PLXNA2: variants seen among roughly 807,000 people sequenced by gnomAD.
The protein encoded by PLXNA2 is plexin-A2.
Under a neutral mutation model 193.5 loss-of-function variants are expected in PLXNA2, and 91 were observed. The observed-to-expected ratio is 0.47, with a 90% confidence interval of 0.40 to 0.56. The LOEUF (loss-of-function observed/expected upper bound fraction) is 0.56. Ranked by LOEUF, PLXNA2 falls within the 20% of genes least tolerant of loss-of-function variation. PLXNA2 has a pLI of 0.00. For missense variants in PLXNA2, 1,995 were observed against 2,503.2 expected, an observed-to-expected ratio of 0.80 and a Z score of 4.33; for synonymous variants, 997 against 1,027.3, an observed-to-expected ratio of 0.97 and a Z score of 0.56.
rs1197633176 is a variant in PLXNA2 at position 208,217,268 on chromosome 1, T to C, written c.655A>G (p.Ser219Gly). The change falls in exon 2 of 32, where the codon AGC (serine) becomes GGC (glycine). Residue 219 changes from serine to glycine, a missense_variant. Coordinates refer to ENST00000367033, the MANE Select transcript of PLXNA2 (RefSeq NM_025179.4). The surrounding 1 kb of genome is among the most constrained non-coding windows in gnomAD (Gnocchi z 4.7). ...TTGATGAGAGAGGAGACAAAATCGC[T>C]GTGTAGCTCATAGTCGAGCATGGCT... ...SSAMLDYELHSDFVSSLIKIP... is the reference protein window; with the variant it reads ...SSAMLDYELHGDFVSSLIKIP... 6.2e-7 allele frequency: 1 copy of C among 1,613,978 alleles called. No homozygotes were observed.
intron 4 of PLXNA2, among the ~76,000 whole-genome samples, chr1:208,130,904 T>G (rs1004553364): frequency 6.6e-6 from 1 of 152,184 alleles, no homozygotes; most frequent in Admixed American, 6.5e-5. Flanking sequence ...TTTCTGTAAA[T>G]GAGTACAGCT....
rs1361287076 is a variant in PLXNA2 at position 208,236,417 on chromosome 1, C to CA, written c.-81+7225_-81+7226insT. On this transcript the variant is annotated intron_variant, in intron 1 of 31. Coordinates refer to ENST00000367033, the MANE Select transcript of PLXNA2 (RefSeq NM_025179.4). This position sits in a 1 kb window ranked among gnomAD's most constrained non-coding sequence, Gnocchi z 4.4. ...CAACATCCCCTCTTGCCACTTCTGT[C>CA]TGCCCGCTGGTCCTGCTGCCTCTAT... 1.3e-5 allele frequency among the ~76,000 whole-genome samples: 2 copies of CA among 152,176 alleles called. No individual in the cohort carries two copies. Among genetic ancestry groups the CA allele is most frequent in the African/African-American group, 4.8e-5 (2 of 41,426 alleles).
rs752529887 is a variant in PLXNA2 at position 208,042,079 on chromosome 1, C to T, written c.4286+19G>A. 2 of 1,610,524 alleles carry T rather than the reference C, an allele frequency of 1.2e-6. No individual in the cohort carries two copies. Among genetic ancestry groups the T allele is most frequent in the Non-Finnish European group, 1.7e-6 (2 of 1,177,862 alleles). On this transcript the variant is annotated intron_variant, in intron 22 of 31. Coordinates refer to ENST00000367033, the MANE Select transcript of PLXNA2 (RefSeq NM_025179.4). ...TTCAGACTCCTGCCACCCTCTCCAC[C>T]CACTGCTGCGGGCCAGACCTCCGGA...
At chr1:208,080,397 G>A (rs1288996254) in intron 11 of PLXNA2, among the ~76,000 whole-genome samples, 1 of 152,122 alleles carries the variant, frequency 6.6e-6, no homozygotes, top group Non-Finnish European at 1.5e-5. Flanking sequence ...TCAGGTTCAG[G>A]AACCTGGTCT....
chr1:208,165,865 G>GT (rs1466970533), intron 3 of PLXNA2, among the ~76,000 whole-genome samples: 1 of 152,156 alleles, frequency 6.6e-6, no homozygotes, highest in African/African-American at 2.4e-5. Flanking sequence ...GAGAACAAAT[G>GT]TTCTACAACT....
intron 13 of PLXNA2, among the ~76,000 whole-genome samples, chr1:208,057,103 T>C (rs1465607793): frequency 1.3e-5 from 2 of 152,196 alleles, no homozygotes; most frequent in African/African-American, 4.8e-5. Context: ...AGGAGTATTA[T>C]GCCAAAGCAA....
At chr1:208,115,526 C>G (rs1461277034) in intron 4 of PLXNA2, among the ~76,000 whole-genome samples, 1 of 152,128 alleles carries the variant, frequency 6.6e-6, no homozygotes, top group African/African-American at 2.4e-5. Context: ...CTACAGAGCC[C>G]ATGTTCTCAA....
At chr1:208,047,856 A>T (rs1246687538) in intron 17 of PLXNA2, among the ~76,000 whole-genome samples, 1 of 152,262 alleles carries the variant, frequency 6.6e-6, no homozygotes, top group Non-Finnish European at 1.5e-5. Context: ...AAAGCGGCTC[A>T]CTGCGGCCTT....
At chr1:208,167,395 A>C (rs1266190113) in intron 3 of PLXNA2, among the ~76,000 whole-genome samples, 2 of 152,208 alleles carry the variant, frequency 1.3e-5, no homozygotes, top group Non-Finnish European at 2.9e-5. Flanking sequence ...CATTCCCTGG[A>C]GGAGCCATAA....
At chr1:208,065,775 G>A (rs1205163408) in intron 12 of PLXNA2, among the ~76,000 whole-genome samples, 1 of 152,150 alleles carries the variant, frequency 6.6e-6, no homozygotes, top group Non-Finnish European at 1.5e-5. Flanking sequence ...TGGCTTTGGT[G>A]AGTTCTGGGC....
chr1:208,218,418 T>C (rs866130581), intron 1 of PLXNA2, among the ~76,000 whole-genome samples: 6 of 152,156 alleles, frequency 3.9e-5, no homozygotes, highest in Non-Finnish European at 7.4e-5. Flanking sequence ...TTTTGAAAGC[T>C]TGTTAGGCAG....
chr1:208,130,809 C>A lies in PLXNA2; in HGVS notation c.1506+11520G>T, dbSNP rs11801676. Among the ~76,000 whole-genome samples the A allele has an allele frequency of 9.4e-3, 1,429 of 152,296 alleles. 18 individuals carry two copies. Among genetic ancestry groups the A allele is most frequent in the African/African-American group, 0.031 (1,289 of 41,560 alleles). ...TTCCAAATTTTGTCCCTAGGATCAA[C>A]CCCATTGAGAAACCTTATCTGACAG... On this transcript the variant is annotated intron_variant, in intron 4 of 31. Transcript: ENST00000367033.
In PLXNA2 at chr1:208,236,898, T is replaced by C. The variant is rs978019771; in HGVS notation, c.-81+6745A>G. Reference sequence around the variant, plus strand: ...TCACAGGCCTCTTGAAGCCCAAGTATGGCCCTAGCTCTGTGCTTCCCAGTG... The same window carrying C: ...TCACAGGCCTCTTGAAGCCCAAGTACGGCCCTAGCTCTGTGCTTCCCAGTG... On this transcript the variant is annotated intron_variant, in intron 1 of 31. Coordinates refer to ENST00000367033, the MANE Select transcript of PLXNA2 (RefSeq NM_025179.4). The surrounding 1 kb of genome is among the most constrained non-coding windows in gnomAD (Gnocchi z 4.4). Among the ~76,000 whole-genome samples the C allele has an allele frequency of 1.3e-5, 2 of 152,250 alleles. No individual in the cohort carries two copies. Among genetic ancestry groups the C allele is most frequent in the Admixed American group, 6.5e-5 (1 of 15,284 alleles).
chr1:208,049,403 A>G (rs527526482), intron 17 of PLXNA2, among the ~76,000 whole-genome samples: 1 of 149,694 alleles, frequency 6.7e-6, no homozygotes, highest in East Asian at 2.0e-4. Context: ...GTTTCTGGGG[A>G]CCCTGAGCTT....
At chr1:208,152,448 C>T (rs1321273617) in intron 3 of PLXNA2, among the ~76,000 whole-genome samples, 4 of 152,172 alleles carry the variant, frequency 2.6e-5, no homozygotes, top group Admixed American at 6.5e-5. Context: ...CTGCCTCCAG[C>T]ATATTCTTGT....
chr1:208,156,932 T>A (rs1333680348), intron 3 of PLXNA2, among the ~76,000 whole-genome samples: 1 of 152,244 alleles, frequency 6.6e-6, no homozygotes, highest in Non-Finnish European at 1.5e-5. Flanking sequence ...CAGCATTTGT[T>A]ACTCCATAAG....
intron 15 of PLXNA2, among the ~76,000 whole-genome samples, chr1:208,051,715 A>T (rs982510107): frequency 2.0e-5 from 3 of 152,154 alleles, no homozygotes; most frequent in African/African-American, 7.2e-5. Context: ...GTAACTATTT[A>T]GTCAGTGCTT....
At chr1:208,160,749 C>T (rs1210257921) in intron 3 of PLXNA2, among the ~76,000 whole-genome samples, 1 of 152,272 alleles carries the variant, frequency 6.6e-6, no homozygotes, top group Non-Finnish European at 1.5e-5. Flanking sequence ...CAACACAGAT[C>T]ATGCCACAGA....
intron 26 of PLXNA2, among the ~76,000 whole-genome samples, chr1:208,037,876 GTAA>G (rs943643819): frequency 1.1e-4 from 16 of 151,484 alleles, no homozygotes; most frequent in African/African-American, 3.9e-4. Flanking sequence ...GAAAGCCTGA[GTAA>G]TTTTCCCAAG....
Sources: allele counts gnomAD v4.1 joint callset (sites outside exome capture counted in the v4.1 genomes callset), GRCh38; gene constraint gnomAD v4.1.1; non-coding constraint Gnocchi (gnomAD v3.1); transcripts MANE v1.5; gene names NCBI Gene and HGNC (gene_info 2026-07-23, HGNC 2026-07-21).